PDE11A: variants seen among roughly 807,000 people sequenced by gnomAD.
PDE11A encodes phosphodiesterase 11A, also known as dual 3',5'-cyclic-AMP and -GMP phosphodiesterase 11A.
Under a neutral mutation model 100.5 loss-of-function variants are expected in PDE11A, and 100 were observed. That is an observed-to-expected ratio of 1.00 (90% confidence interval 0.85 to 1.18). The LOEUF (loss-of-function observed/expected upper bound fraction) is 1.18. Among genes scored for constraint, PDE11A ranks in the 50% most tolerant of loss-of-function variants. PDE11A has a pLI of 0.00. For synonymous variants in PDE11A, 381 were observed against 420.8 expected (o/e 0.91, Z 1.16); for missense variants, 1,141 against 1,152.6 (o/e 0.99, Z 0.15).
intron 10 of PDE11A, among the ~76,000 whole-genome samples, chr2:177,744,340 C>CT (rs5836624): frequency 0.59 from 86,073 of 146,544 alleles, 25,545 homozygotes; most frequent in East Asian, 0.85. Context: ...TTGTTTCATG[C>CT]TTTTTTTTTT....
intron 5 of PDE11A, among the ~76,000 whole-genome samples, chr2:177,850,209 A>G (rs1447788955): frequency 6.6e-6 from 1 of 152,226 alleles, no homozygotes; most frequent in Non-Finnish European, 1.5e-5. Flanking sequence ...GGAACAGAAC[A>G]GAGCCCTCAG....
chr2:177,705,971 A>C (rs2081272656), intron 13 of PDE11A, among the ~76,000 whole-genome samples: 2 of 152,176 alleles, frequency 1.3e-5, no homozygotes, highest in African/African-American at 2.4e-5. Context: ...AGAGAGAAGG[A>C]TGAGTGGGGA....
intron 19 of PDE11A, among the ~76,000 whole-genome samples, chr2:177,645,393 C>T (rs571474333): frequency 1.3e-5 from 2 of 152,186 alleles, no homozygotes; most frequent in East Asian, 3.9e-4. Flanking sequence ...GACGGGGTTT[C>T]ACCACGTTGG....
At chr2:177,700,317 C>G (rs2081177889) in intron 14 of PDE11A, among the ~76,000 whole-genome samples, 1 of 150,862 alleles carries the variant, frequency 6.6e-6, no homozygotes, top group Non-Finnish European at 1.5e-5. Context: ...GAAGCAGGGC[C>G]TTAATGATGA....
At chr2:177,905,729 T>C (rs2084776000) in intron 2 of PDE11A, among the ~76,000 whole-genome samples, 1 of 152,204 alleles carries the variant, frequency 6.6e-6, no homozygotes, top group African/African-American at 2.4e-5. Flanking sequence ...CAGTGGGAAC[T>C]AGGGGTCAGC....
At chr2:178,009,167 T>A (rs2086246827) in intron 2 of PDE11A, among the ~76,000 whole-genome samples, 1 of 152,166 alleles carries the variant, frequency 6.6e-6, no homozygotes, top group South Asian at 2.1e-4. Context: ...CCTATCGAGG[T>A]CTCATTATTT....
chr2:177,879,763 G>T (rs2084298987), intron 4 of PDE11A, among the ~76,000 whole-genome samples: 1 of 152,274 alleles, frequency 6.6e-6, no homozygotes, highest in Non-Finnish European at 1.5e-5. Flanking sequence ...CATAGAACCT[G>T]TAGATCTACA....
At chr2:178,010,124 C>G (rs2086258900) in intron 2 of PDE11A, among the ~76,000 whole-genome samples, 1 of 152,168 alleles carries the variant, frequency 6.6e-6, no homozygotes, top group South Asian at 2.1e-4. Context: ...ACACAACAAC[C>G]ATGTGATGGA....
Position 178,071,683 on chromosome 2 carries a change from G to A in PDE11A, c.755C>T (p.Thr252Ile). Residue 252 changes from threonine (T) to isoleucine (I), a missense_variant, in exon 1 of 20, where the codon ACC becomes ATC. Thr to Ile is a moderately conservative substitution (Grantham distance 89). Transcript: ENST00000286063. ...CACATCAAAGAATTTGGAGACCAAG[G>A]TCTTCTTGCCAGCAGCTGCCCCTTC... ...LVEGAAAGKK[T>I]LVSKFFDVHA... 3 of 1,613,474 alleles carry A rather than the reference G, an allele frequency of 1.9e-6. No individual in the cohort carries two copies. The highest frequency in any genetic ancestry group is 2.5e-6 in the Non-Finnish European group (3 of 1,179,388).
intron 6 of PDE11A, among the ~76,000 whole-genome samples, chr2:177,837,347 G>T (rs1366874434): frequency 6.6e-6 from 1 of 152,162 alleles, no homozygotes; most frequent in East Asian, 1.9e-4. Flanking sequence ...TTTGCTGCAG[G>T]CTTGCATCTT....
At chr2:177,991,777 T>C (rs948860360) in intron 2 of PDE11A, among the ~76,000 whole-genome samples, 6 of 141,286 alleles carry the variant, frequency 4.2e-5, no homozygotes, top group African/African-American at 1.3e-4. Context: ...ATTTTTATGA[T>C]GGCATGAGTT....
intron 1 of PDE11A, among the ~76,000 whole-genome samples, chr2:178,017,705 A>C (rs544905348): frequency 1.3e-5 from 2 of 152,332 alleles, no homozygotes; most frequent in East Asian, 3.9e-4. Flanking sequence ...TCACGCCTGT[A>C]ATCTCAGCAC....
chr2:177,839,905 C>A (rs546280931), intron 6 of PDE11A, among the ~76,000 whole-genome samples: 29 of 152,218 alleles, frequency 1.9e-4, no homozygotes, highest in Admixed American at 1.0e-3. Flanking sequence ...TAATGCCAAC[C>A]AATTTACTGT....
chr2:177,941,274 C>G (rs1480871435), intron 2 of PDE11A, among the ~76,000 whole-genome samples: 1 of 152,200 alleles, frequency 6.6e-6, no homozygotes, highest in Non-Finnish European at 1.5e-5. Flanking sequence ...AGTGTAGAAG[C>G]TGAGATTCCA....
upstream of PDE11A, among the ~76,000 whole-genome samples, chr2:178,074,258 G>GT (rs2087178156): frequency 6.6e-6 from 1 of 151,996 alleles, no homozygotes; most frequent in Admixed American, 6.6e-5. Flanking sequence ...TTTGGGGGGT[G>GT]TGGGGGGTAA....
chr2:177,821,872 T>A (rs1013929323), intron 6 of PDE11A, among the ~76,000 whole-genome samples: 7 of 151,922 alleles, frequency 4.6e-5, no homozygotes, highest in Non-Finnish European at 7.4e-5. Context: ...CATATACTTA[T>A]CATCTATTTC....
chr2:177,861,070 G>A (rs983992385), intron 5 of PDE11A, among the ~76,000 whole-genome samples: 3 of 151,706 alleles, frequency 2.0e-5, no homozygotes, highest in Admixed American at 2.0e-4. Context: ...ATTTAACAAT[G>A]TACTGGAGGT....
chr2:177,922,833 TC>T (rs2085072872), intron 2 of PDE11A: 1 of 984,492 alleles, frequency 1.0e-6, no homozygotes, highest in Non-Finnish European at 1.2e-6. Context: ...CCTCTACATT[TC>T]TTGTATTCCA....
At chr2:177,793,302 C>T (rs185669749) in intron 9 of PDE11A, among the ~76,000 whole-genome samples, 2 of 152,128 alleles carry the variant, frequency 1.3e-5, no homozygotes, top group African/African-American at 4.8e-5. Flanking sequence ...TGATACCCCA[C>T]CCCAGAAGTG....
Sources: allele counts gnomAD v4.1 joint callset (sites outside exome capture counted in the v4.1 genomes callset), GRCh38; gene constraint gnomAD v4.1.1; transcripts MANE v1.5; gene names NCBI Gene and HGNC (gene_info 2026-07-23, HGNC 2026-07-21).